NEDD4L: variants seen among roughly 807,000 people sequenced by gnomAD.
NEDD4L encodes the protein NEDD4 like E3 ubiquitin protein ligase, also known as E3 ubiquitin-protein ligase NEDD4-like.
A neutral mutation model predicts 148.9 loss-of-function variants in NEDD4L; 54 were observed. The ratio of observed to expected loss-of-function variants is 0.36; its 90% CI spans 0.29 to 0.45. NEDD4L has a LOEUF of 0.45. Ranked by LOEUF, NEDD4L falls within the 20% of genes least tolerant of loss-of-function variation. The pLI is 1.00. For synonymous variants in NEDD4L, 433 were observed against 440.7 expected (o/e 0.98, Z 0.22); for missense variants, 856 against 1,233.8 (o/e 0.69, Z 4.59).
chr18:58,271,057 G>A (rs1335738880), intron 5 of NEDD4L, among the ~76,000 whole-genome samples: 2 of 151,786 alleles, frequency 1.3e-5, no homozygotes, highest in Admixed American at 6.6e-5. Flanking sequence ...CCTAGTGCTC[G>A]GCACATATTA....
intron 1 of NEDD4L, among the ~76,000 whole-genome samples, chr18:58,158,915 TGA>T (rs148653059): frequency 4.6e-5 from 7 of 151,870 alleles, no homozygotes; most frequent in African/African-American, 7.3e-5. Context: ...TGTAAGCTCC[TGA>T]GAGAGAGAGA....
At chr18:58,383,111 G>A in intron 24 of NEDD4L, 135 bp from the exon 25 acceptor site, 1 of 614,760 alleles carries the variant, frequency 1.6e-6, no homozygotes, top group Non-Finnish European at 2.9e-6. Flanking sequence ...ACATTCTCTT[G>A]TGCACAGAGC....
intron 2 of NEDD4L, among the ~76,000 whole-genome samples, chr18:58,236,984 T>C (rs1043885121): frequency 6.6e-6 from 1 of 151,864 alleles, no homozygotes; most frequent in African/African-American, 2.4e-5. Flanking sequence ...GATCATGCCA[T>C]TGCACTCCAA....
intron 5 of NEDD4L, among the ~76,000 whole-genome samples, chr18:58,291,613 G>A (rs765058123): frequency 2.0e-5 from 3 of 152,142 alleles, no homozygotes; most frequent in Non-Finnish European, 4.4e-5. Flanking sequence ...ATTTTTGCCT[G>A]TAAGACAATC....
In NEDD4L at chr18:58,396,507, G is replaced by T; in HGVS notation, c.*238G>T. 1 of 392,524 alleles carries T rather than the reference G, an allele frequency of 2.5e-6. No individual in the cohort carries two copies. The highest frequency in any genetic ancestry group is 4.7e-6 in the Non-Finnish European group (1 of 213,060). 24.3% of individuals were successfully genotyped at this position (392,524 alleles called of 1,614,324 possible). ...TGATGTGTACACTAATTACATTTCA[G>T]GAGGACTTAATGCTATTTATGTTGT... On this transcript the variant is annotated 3_prime_UTR_variant, in exon 31 of 31. Transcript: ENST00000400345.
At chr18:58,196,264 G>C (rs926220234) in intron 2 of NEDD4L, among the ~76,000 whole-genome samples, 2 of 152,326 alleles carry the variant, frequency 1.3e-5, no homozygotes, top group Non-Finnish European at 2.9e-5. Context: ...CAATCAGCCA[G>C]CTCGTGATGG....
At chr18:58,147,954 G>A (rs1437114184) in intron 1 of NEDD4L, among the ~76,000 whole-genome samples, 1 of 152,108 alleles carries the variant, frequency 6.6e-6, no homozygotes, top group Non-Finnish European at 1.5e-5. Flanking sequence ...GCAATGCAAT[G>A]CAGAAGGGGC....
At chr18:58,166,509 A>G (rs2036865265) in intron 2 of NEDD4L, among the ~76,000 whole-genome samples, 1 of 152,220 alleles carries the variant, frequency 6.6e-6, no homozygotes, top group South Asian at 2.1e-4. Context: ...TGGCACTAGA[A>G]TTTAGCCAGA....
chr18:58,061,566 G>A (rs1357427880), intron 1 of NEDD4L, among the ~76,000 whole-genome samples: 2 of 151,892 alleles, frequency 1.3e-5, no homozygotes, highest in Admixed American at 6.6e-5. Context: ...GCTGTGCATA[G>A]GATCGATTTT....
chr18:58,191,821 C>T (rs1460875404), intron 2 of NEDD4L, among the ~76,000 whole-genome samples: 1 of 152,136 alleles, frequency 6.6e-6, no homozygotes, highest in African/African-American at 2.4e-5. Context: ...CTGGGAAACT[C>T]CAATGCTGGG....
chr18:58,281,703 A>G (rs1292225588), intron 5 of NEDD4L, among the ~76,000 whole-genome samples: 1 of 151,976 alleles, frequency 6.6e-6, no homozygotes, highest in African/African-American at 2.4e-5. Flanking sequence ...TTAATGCGTT[A>G]CAATTGGTTG....
intron 2 of NEDD4L, among the ~76,000 whole-genome samples, chr18:58,170,311 C>G (rs1158777730): frequency 2.0e-5 from 3 of 151,824 alleles, no homozygotes; most frequent in African/African-American, 7.3e-5. Context: ...CACCCCAGCC[C>G]AAGAGGACAG....
rs1288858218 is a variant in NEDD4L at position 58,389,157 on chromosome 18, T to G, written c.2620T>G (p.Cys874Gly). ...RQHSIYKNGY[C>G]PNHPVIQWFW... Reference sequence around the variant, plus strand: ...GCATTCTATTTACAAGAACGGCTACTGCCCAAACCACCCCGTCATTCAGTG... The same window carrying G: ...GCATTCTATTTACAAGAACGGCTACGGCCCAAACCACCCCGTCATTCAGTG... Residue 874 changes from cysteine (C) to glycine (G), a missense_variant, in exon 28 of 31, where the codon TGC becomes GGC. By Grantham distance (159) the Cys-to-Gly change is radical (BLOSUM62 -3). This residue lies in a region of NEDD4L where 286 missense variants were observed against 531.8 expected (regional missense o/e 0.54). Transcript: ENST00000400345. 1 of 1,613,928 alleles carries G rather than the reference T, an allele frequency of 6.2e-7. No homozygotes were observed. Among genetic ancestry groups the G allele is most frequent in the South Asian group, 1.1e-5 (1 of 91,070 alleles).
chr18:58,245,410 A>G lies in NEDD4L; in HGVS notation c.123-17A>G, dbSNP rs2047135806. ...TGAAAAGTATAATCCTATTAAATCTAAAATATTTTCTTACAGTGATCCGTA... is the reference window on the plus strand; with the variant it reads ...TGAAAAGTATAATCCTATTAAATCTGAAATATTTTCTTACAGTGATCCGTA... On this transcript the variant is annotated splice_polypyrimidine_tract_variant and intron_variant, in intron 2 of 30. Coordinates refer to ENST00000400345, the MANE Select transcript of NEDD4L (RefSeq NM_001144967.3). 7.6e-7 allele frequency: 1 copy of G among 1,308,214 alleles called. No individual in the cohort carries two copies. The highest frequency in any genetic ancestry group is 1.1e-6 in the Non-Finnish European group (1 of 927,024). The allele number at this position is 1,308,214 out of a possible 1,614,324, so 81.0% of individuals were successfully genotyped here.
chr18:58,263,615 T>G (rs1488386427), intron 5 of NEDD4L, among the ~76,000 whole-genome samples: 1 of 152,078 alleles, frequency 6.6e-6, no homozygotes, highest in African/African-American at 2.4e-5. Flanking sequence ...AACTCATCCA[T>G]TTCCTTGACA....
At chr18:58,236,678 G>T (rs1022929618) in intron 2 of NEDD4L, among the ~76,000 whole-genome samples, 1 of 152,224 alleles carries the variant, frequency 6.6e-6, no homozygotes, top group African/African-American at 2.4e-5. Context: ...TAATGATCCT[G>T]GAAGTTATGA....
intron 1 of NEDD4L, among the ~76,000 whole-genome samples, chr18:58,094,911 A>AG (rs112877722): frequency 4.1e-4 from 62 of 152,212 alleles, no homozygotes; most frequent in African/African-American, 1.3e-3. Flanking sequence ...AAAAAAAAAA[A>AG]AAAAAAAGAA....
chr18:58,184,850 C>T (rs560872650), intron 2 of NEDD4L, among the ~76,000 whole-genome samples: 109 of 151,976 alleles, frequency 7.2e-4, no homozygotes, highest in Middle Eastern at 3.4e-3. Context: ...ATGGCGTGAA[C>T]GCAGGAGGTG....
chr18:58,052,629 A>T (rs2081924202), intron 1 of NEDD4L, among the ~76,000 whole-genome samples: 1 of 139,820 alleles, frequency 7.2e-6, no homozygotes, highest in African/African-American at 2.7e-5. Context: ...GAAAAGGGCC[A>T]TTCAAAAGTG....
Sources: gnomAD v4.1 joint callset for allele counts (sites outside exome capture counted in the v4.1 genomes callset) on GRCh38, gnomAD v4.1.1 for gene constraint, gnomAD v4.1.1 regional missense constraint, MANE v1.5 for transcripts, NCBI Gene and HGNC (gene_info 2026-07-23, HGNC 2026-07-21) for gene names.